Variants in DRAM2 observed in about 807,000 individuals in gnomAD.
DRAM2 encodes DNA damage-regulated autophagy modulator protein 2.
Under a neutral mutation model 33.5 loss-of-function variants are expected in DRAM2, and 26 were observed. The ratio of observed to expected loss-of-function variants is 0.78; its 90% CI spans 0.57 to 1.08. DRAM2 has a LOEUF of 1.08. Ranked by LOEUF, DRAM2 falls within the 50% of genes least tolerant of loss-of-function variation. The pLI, the probability that DRAM2 is intolerant of heterozygous loss-of-function variation, is 0.00. For synonymous variants in DRAM2, 98 were observed against 109.5 expected (o/e 0.89, Z 0.66); for missense variants, 311 against 318.1 (o/e 0.98, Z 0.17).
rs325916 is a variant in DRAM2 at position 111,118,791 on chromosome 1, T to C, written c.693+14A>G. On this transcript the variant is annotated intron_variant, in intron 9 of 9. Transcript: ENST00000484310. ...GAAGTCTGACTGAATAAATCTAATATTGTGCCTTCTTACCTGAAAATCACG... is the reference window on the plus strand; with the variant it reads ...GAAGTCTGACTGAATAAATCTAATACTGTGCCTTCTTACCTGAAAATCACG... The C allele has an allele frequency of 0.4, 627,542 of 1,581,394 alleles. 129,044 individuals carry two copies. Among genetic ancestry groups the C allele is most frequent in the African/African-American group, 0.61 (45,137 of 73,450 alleles).
chr1:111,119,871 T>A lies in DRAM2; in HGVS notation c.600+6A>T, dbSNP rs1406759401. 1.6e-5 allele frequency: 25 copies of A among 1,611,032 alleles called. No individual in the cohort carries two copies. The highest frequency in any genetic ancestry group is 2.1e-5 in the Non-Finnish European group (25 of 1,177,626). On this transcript the variant is annotated splice_donor_region_variant and intron_variant, in intron 8 of 9. Transcript: ENST00000484310. The stretch of plus-strand genomic sequence containing the variant: ...AAAACTAAGTTTATAGACTGTAAGT[T>A]CTTACTTTGTCCTCGGGGTTCCAAT...
chr1:111,126,067 T>G (rs919464487), intron 5 of DRAM2, among the ~76,000 whole-genome samples, 160 bp downstream of exon 5: 2 of 152,096 alleles, frequency 1.3e-5, no homozygotes, highest in Non-Finnish European at 2.9e-5. Flanking sequence ...TCTAGAAAAG[T>G]GTTTTTCTTT....
intron 4 of DRAM2, among the ~76,000 whole-genome samples, chr1:111,127,606 T>G (rs1201944310): frequency 6.6e-6 from 1 of 152,094 alleles, no homozygotes; most frequent in Non-Finnish European, 1.5e-5. Flanking sequence ...GAATAAAGGG[T>G]TTTTTGTTCC....
At chr1:111,123,870 G>C (rs1048012816) in intron 6 of DRAM2, among the ~76,000 whole-genome samples, 7 of 152,126 alleles carry the variant, frequency 4.6e-5, no homozygotes, top group Non-Finnish European at 7.4e-5. Context: ...CTCCTGCTTT[G>C]CTTTCCATCA....
At chr1:111,121,771 A>G (rs1650096935) in intron 6 of DRAM2, among the ~76,000 whole-genome samples, 1 of 152,132 alleles carries the variant, frequency 6.6e-6, no homozygotes, top group Admixed American at 6.6e-5. Flanking sequence ...CTCTCTCAAT[A>G]AGTTACTAAA....
Position 111,117,942 on chromosome 1 carries a change from A to G in DRAM2, c.*218T>C. 1.8e-6 allele frequency: 1 copy of G among 542,504 alleles called. No individual in the cohort carries two copies. Among genetic ancestry groups the G allele is most frequent in the Non-Finnish European group, 3.3e-6 (1 of 306,720 alleles). The allele number at this position is 542,504 out of a possible 1,614,324, so 33.6% of individuals were successfully genotyped here. Reference sequence around the variant, plus strand: ...TTGACTTTATTTTCTGAGATAAAAAAGTATAGGCATAGGTGTTTTTAATAG... The same window carrying G: ...TTGACTTTATTTTCTGAGATAAAAAGGTATAGGCATAGGTGTTTTTAATAG... On this transcript the variant is annotated 3_prime_UTR_variant, in exon 10 of 10. Transcript: ENST00000484310.
In DRAM2 at chr1:111,131,439, G is replaced by T; in HGVS notation, c.116C>A (p.Ala39Asp). 6.2e-7 allele frequency: 1 copy of T among 1,613,924 alleles called. No individual in the cohort carries two copies. Among genetic ancestry groups the T allele is most frequent in the Non-Finnish European group, 8.5e-7 (1 of 1,179,902 alleles). ...TTTCACTTACCTGATATAAGGTAAAGCCGGGTCTATATGGTGGAGTGTTAC... is the reference window on the plus strand; with the variant it reads ...TTTCACTTACCTGATATAAGGTAAATCCGGGTCTATATGGTGGAGTGTTAC... The part of the protein sequence containing the change: ...TAVTLHHIDP[A>D]LPYISDTGTV... The change falls in exon 4 of 10, where the codon GCT (alanine) becomes GAT (aspartate). Residue 39 changes from alanine (A) to aspartate (D), a missense_variant. Physicochemically the swap from Ala to Asp is moderately radical, Grantham distance 126. Coordinates refer to ENST00000484310, the MANE Select transcript of DRAM2 (RefSeq NM_001349884.2).
intron 4 of DRAM2, 147 bp from the exon 5 acceptor site, chr1:111,126,441 A>C: frequency 1.9e-6 from 1 of 536,226 alleles, no homozygotes; most frequent in Non-Finnish European, 3.4e-6. Context: ...TATACAGAGA[A>C]CATGACAATT....
intron 5 of DRAM2, 24 bp from the exon 6 acceptor site, chr1:111,124,905 C>A (rs1650705200): frequency 6.2e-7 from 1 of 1,604,252 alleles, no homozygotes. Flanking sequence ...ATCCAAAAAA[C>A]AACAAAGTAA....
At chr1:111,134,655 T>C (rs899513556) in intron 3 of DRAM2, among the ~76,000 whole-genome samples, 4 of 151,888 alleles carry the variant, frequency 2.6e-5, no homozygotes, top group Admixed American at 2.0e-4. Context: ...TTCTAAGATC[T>C]TTAATTTTTT....
intron 4 of DRAM2, among the ~76,000 whole-genome samples, chr1:111,129,610 ATGAAAAATG>A (rs1651668879): frequency 6.6e-6 from 1 of 152,202 alleles, no homozygotes; most frequent in Admixed American, 6.5e-5. Context: ...GAAATGTCAA[ATGAAAAATG>A]TAGATGCCCT....
chr1:111,126,506 T>C (rs935784964), intron 4 of DRAM2, among the ~76,000 whole-genome samples: 2 of 151,964 alleles, frequency 1.3e-5, no homozygotes, highest in African/African-American at 4.8e-5. Flanking sequence ...TTTAAGATTA[T>C]TTCTCTTCCA....
chr1:111,131,684 T>C (rs994687194), intron 3 of DRAM2, 116 bp from the exon 4 acceptor site: 3 of 929,088 alleles, frequency 3.2e-6, no homozygotes, highest in Middle Eastern at 2.2e-4. Flanking sequence ...ACCTCTGAAA[T>C]CATCCCTCAT....
rs144348595 is a variant in DRAM2, at chr1:111,129,822, A to G, written c.131+1602T>C. ...AATGAAACAAAATAAAAAACCCAAA[A>G]AAGTGAGAAAGAACGAGAAAAAAAG... On this transcript the variant is annotated intron_variant, in intron 4 of 9. Transcript: ENST00000484310. Among the ~76,000 whole-genome samples, 330 of 152,324 alleles carry G rather than the reference A, an allele frequency of 2.2e-3. 1 individual carries two copies. The highest frequency in any genetic ancestry group is 3.3e-3 in the Non-Finnish European group (222 of 68,018).
At chr1:111,122,905 A>G (rs1403625028) in intron 6 of DRAM2, among the ~76,000 whole-genome samples, 1 of 152,206 alleles carries the variant, frequency 6.6e-6, no homozygotes, top group Non-Finnish European at 1.5e-5. Flanking sequence ...GCTAAAAGCA[A>G]AACAATAAAG....
chr1:111,119,627 C>G (rs1176921714), intron 8 of DRAM2: 3 of 454,732 alleles, frequency 6.6e-6, no homozygotes, highest in Non-Finnish European at 1.2e-5. Context: ...TTAGGGGAGT[C>G]AATTTCTCAG....
intron 4 of DRAM2, chr1:111,128,038 C>T (rs149639111): frequency 2.6e-5 from 4 of 152,222 alleles, no homozygotes; most frequent in Non-Finnish European, 4.4e-5. Flanking sequence ...TAAGAGAACA[C>T]CTGAAGCACA....
chr1:111,129,430 T>C (rs1332901081), intron 4 of DRAM2, among the ~76,000 whole-genome samples: 1 of 152,180 alleles, frequency 6.6e-6, no homozygotes, highest in African/African-American at 2.4e-5. Flanking sequence ...TATTTAATAA[T>C]AACGTTTTAA....
In DRAM2 at chr1:111,124,411, C is replaced by A. The variant is rs144389274; in HGVS notation, c.339+331G>T. Among the ~76,000 whole-genome samples the A allele has an allele frequency of 5.9e-5, 9 of 152,226 alleles. No individual in the cohort carries two copies. The East Asian group carries it at 1.7e-3, about 29-fold the overall frequency. ...ATATTAAAAACAAAACTTTTAAAAT[C>A]TGTAATTGTGTCACTTCTAATTTAT... On this transcript the variant is annotated intron_variant, in intron 6 of 9. Coordinates refer to ENST00000484310, the MANE Select transcript of DRAM2 (RefSeq NM_001349884.2).
Sources: allele counts gnomAD v4.1 joint callset (sites outside exome capture counted in the v4.1 genomes callset), GRCh38; gene constraint gnomAD v4.1.1; transcripts MANE v1.5; gene names NCBI Gene and HGNC (gene_info 2026-07-23, HGNC 2026-07-21).